The following KCTD16 variants were observed in gnomAD, a reference collection of about 807,000 sequenced individuals.
KCTD16 encodes the protein BTB/POZ domain-containing protein KCTD16.
A neutral mutation model predicts 33.2 loss-of-function variants in KCTD16; 13 were observed. That is an observed-to-expected ratio of 0.39 (90% CI 0.25 to 0.62). The LOEUF is 0.62. Ranked by LOEUF, KCTD16 falls within the 20% of genes least tolerant of loss-of-function variation. The pLI is 0.50. For missense variants in KCTD16, 441 were observed against 525.1 expected, an observed-to-expected ratio of 0.84 and a Z score of 1.57; for synonymous variants, 197 against 195.3, an observed-to-expected ratio of 1.01 and a Z score of -0.07.
chr5:144,177,923 T>TC (rs1752540236), intron 2 of KCTD16, among the ~76,000 whole-genome samples: 1 of 152,230 alleles, frequency 6.6e-6, no homozygotes, highest in Non-Finnish European at 1.5e-5. Flanking sequence ...TGATTTTTTT[T>TC]CACTTTGATC....
chr5:144,234,913 C>T (rs943075031), intron 3 of KCTD16, among the ~76,000 whole-genome samples: 7 of 152,044 alleles, frequency 4.6e-5, no homozygotes, highest in Admixed American at 4.6e-4. Flanking sequence ...ACCAATCTCT[C>T]CCTAAAGAGA....
At chr5:144,418,575 T>C (rs1753138320) in intron 3 of KCTD16, among the ~76,000 whole-genome samples, 1 of 152,136 alleles carries the variant, frequency 6.6e-6, no homozygotes, top group Admixed American at 6.5e-5. Flanking sequence ...TCAGAGACTG[T>C]ACTTCTTTAC....
At chr5:144,202,209 G>A (rs960458965) in intron 2 of KCTD16, among the ~76,000 whole-genome samples, 15 of 152,156 alleles carry the variant, frequency 9.9e-5, no homozygotes, top group African/African-American at 3.6e-4. Context: ...ATCCCACAGT[G>A]TTTCAGCGGA....
rs1752439394 is a variant in KCTD16, at chr5:144,391,089, C to T, written c.833-82571C>T. Among the ~76,000 whole-genome samples, 3 of 152,254 alleles carry T rather than the reference C, an allele frequency of 2.0e-5. No individual in the cohort carries two copies. The South Asian group carries it at 6.2e-4, about 32-fold the overall frequency. On this transcript the variant is annotated intron_variant, in intron 3 of 3. Coordinates refer to ENST00000512467, the MANE Select transcript of KCTD16 (RefSeq NM_020768.4). ...TCTACTCAGACTTACGTTGTGCCCCCACTATAATCAGGTGCTTCCTGACTC... is the reference window on the plus strand; with the variant it reads ...TCTACTCAGACTTACGTTGTGCCCCTACTATAATCAGGTGCTTCCTGACTC...
chr5:144,449,353 T>A (rs1237475959), intron 3 of KCTD16, among the ~76,000 whole-genome samples: 1 of 151,936 alleles, frequency 6.6e-6, no homozygotes. Context: ...TTCAATACTA[T>A]ACCCATCAAA....
At chr5:144,198,418 T>G (rs1170834580) in intron 2 of KCTD16, among the ~76,000 whole-genome samples, 1 of 152,196 alleles carries the variant, frequency 6.6e-6, no homozygotes, top group African/African-American at 2.4e-5. Context: ...TCTGCAATTC[T>G]CAGCTTTGAG....
At chr5:144,462,568 T>TAA (rs11285229) in intron 3 of KCTD16, among the ~76,000 whole-genome samples, 6 of 138,734 alleles carry the variant, frequency 4.3e-5, no homozygotes, top group Admixed American at 7.1e-5. Context: ...TTTGGTTTCT[T>TAA]AAAAAAAAAA....
intron 3 of KCTD16, among the ~76,000 whole-genome samples, chr5:144,310,367 G>T (rs1751730706): frequency 6.6e-6 from 1 of 152,132 alleles, no homozygotes; most frequent in Admixed American, 6.6e-5. Context: ...GCATGTGAGT[G>T]CAGGTGTCCC....
chr5:144,294,389 G>T (rs1303155683), intron 3 of KCTD16, among the ~76,000 whole-genome samples: 1 of 152,104 alleles, frequency 6.6e-6, no homozygotes, highest in Non-Finnish European at 1.5e-5. Flanking sequence ...TTTTTAACTA[G>T]ATGTCTAAGG....
At chr5:144,210,183 A>G (rs142735392) in intron 3 of KCTD16, among the ~76,000 whole-genome samples, 1 of 152,144 alleles carries the variant, frequency 6.6e-6, no homozygotes, top group African/African-American at 2.4e-5. Flanking sequence ...TTAGATTCTT[A>G]CCTCATTTAA....
chr5:144,305,434 C>T (rs925258212), intron 3 of KCTD16, among the ~76,000 whole-genome samples: 6 of 152,150 alleles, frequency 3.9e-5, no homozygotes, highest in Admixed American at 3.9e-4. Context: ...CTAATTCAAT[C>T]TGACTGGTGT....
intron 3 of KCTD16, among the ~76,000 whole-genome samples, chr5:144,278,546 G>A (rs1261805503): frequency 1.4e-5 from 2 of 139,014 alleles, no homozygotes; most frequent in Admixed American, 7.7e-5. Flanking sequence ...GCCGGACTGC[G>A]GACTGCAGTG....
At chr5:144,417,000 A>G (rs1193118761) in intron 3 of KCTD16, among the ~76,000 whole-genome samples, 1 of 152,174 alleles carries the variant, frequency 6.6e-6, no homozygotes, top group African/African-American at 2.4e-5. Flanking sequence ...TTTATATACC[A>G]TAACTTGTTT....
At chr5:144,299,142 A>G (rs1382283628) in intron 3 of KCTD16, among the ~76,000 whole-genome samples, 1 of 22,410 alleles carries the variant, frequency 4.5e-5, no homozygotes, top group Non-Finnish European at 6.7e-5. Context: ...ATATATATAT[A>G]TATATATTTT....
chr5:144,447,907 T>C (rs1753857202), intron 3 of KCTD16, among the ~76,000 whole-genome samples: 1 of 152,154 alleles, frequency 6.6e-6, no homozygotes. Context: ...GCTCAGATTA[T>C]ACCCTAGACC....
At chr5:144,328,112 C>T (rs2126888984) in intron 3 of KCTD16, among the ~76,000 whole-genome samples, 1 of 152,008 alleles carries the variant, frequency 6.6e-6, no homozygotes, top group African/African-American at 2.4e-5. Context: ...TAGAGCAGTG[C>T]TTTTTATCTC....
At chr5:144,317,134 A>G (rs1421393854) in intron 3 of KCTD16, among the ~76,000 whole-genome samples, 1 of 152,076 alleles carries the variant, frequency 6.6e-6, no homozygotes, top group Admixed American at 6.6e-5. Context: ...CCCGGCCAGC[A>G]TCTTTTTAAT....
Position 144,473,652 on chromosome 5 carries a change from C to A in KCTD16, c.833-8C>A. ...ATTAATCCTTTGGGTCCTTTGCTTT[C>A]TTTTCAGGTGAGCCTTCCAGATGGT... On this transcript the variant is annotated splice_polypyrimidine_tract_variant and splice_region_variant and intron_variant, in intron 3 of 3. Transcript: ENST00000512467. 6.3e-7 allele frequency: 1 copy of A among 1,583,908 alleles called. No individual in the cohort carries two copies. The highest frequency in any genetic ancestry group is 1.1e-5 in the South Asian group (1 of 87,490).
chr5:144,225,552 TTGTGTG>T (rs10550980), intron 3 of KCTD16, among the ~76,000 whole-genome samples: 19,179 of 138,180 alleles, frequency 0.14, 1,247 homozygotes, highest in East Asian at 0.2. Flanking sequence ...CAAAAATAAA[TTGTGTG>T]TGTGTGTGTG....
Sources: allele counts gnomAD v4.1 joint callset (sites outside exome capture counted in the v4.1 genomes callset), GRCh38; gene constraint gnomAD v4.1.1; transcripts MANE v1.5; gene names NCBI Gene and HGNC (gene_info 2026-07-23, HGNC 2026-07-21).